The following ESR1 variants were observed in gnomAD, a reference collection of about 807,000 sequenced individuals.
ESR1 encodes estrogen receptor 1, also known as estrogen receptor.
ESR1 carries 12 observed loss-of-function variants against 52.7 expected under a neutral mutation model. The ratio of observed to expected loss-of-function variants is 0.23; its 90% CI spans 0.15 to 0.37. The LOEUF is 0.37. Ranked by LOEUF, ESR1 falls within the 10% of genes least tolerant of loss-of-function variation. ESR1 has a pLI of 1.00. For synonymous variants in ESR1, 305 were observed against 316.8 expected, an observed-to-expected ratio of 0.96 and a Z score of 0.39; for missense variants, 584 against 779.7, an observed-to-expected ratio of 0.75 and a Z score of 2.99.
At chr6:151,960,570 T>A (rs1268979816) in intron 4 of ESR1, among the ~76,000 whole-genome samples, 6 of 152,098 alleles carry the variant, frequency 3.9e-5, no homozygotes, top group African/African-American at 1.4e-4. Context: ...AAGACCAATG[T>A]GACTAGAGCA....
chr6:152,029,139 G>A (rs898730266), intron 5 of ESR1, among the ~76,000 whole-genome samples: 2 of 152,200 alleles, frequency 1.3e-5, no homozygotes, highest in African/African-American at 4.8e-5. Flanking sequence ...AATCCCATCT[G>A]TACGTCACCA....
chr6:151,818,124 G>A (rs1413038894), intron 1 of ESR1, among the ~76,000 whole-genome samples: 3 of 152,166 alleles, frequency 2.0e-5, no homozygotes, highest in African/African-American at 4.8e-5. Context: ...TGTAGAAGAC[G>A]AATTTATGGA....
At chr6:151,849,888 C>T (rs1358928412) in intron 2 of ESR1, among the ~76,000 whole-genome samples, 1 of 148,882 alleles carries the variant, frequency 6.7e-6, no homozygotes, top group Non-Finnish European at 1.5e-5. Context: ...CTCCTCAGCT[C>T]TCTAAAGTGG....
chr6:151,765,914 T>C (rs1785014098), intron 2 of ESR1, among the ~76,000 whole-genome samples: 1 of 152,242 alleles, frequency 6.6e-6, no homozygotes, highest in African/African-American at 2.4e-5. Flanking sequence ...CGTTGGTTTA[T>C]GCACATCCGT....
chr6:152,071,942 T>A (rs2048382728), intron 6 of ESR1, among the ~76,000 whole-genome samples: 1 of 152,230 alleles, frequency 6.6e-6, no homozygotes, highest in Admixed American at 6.5e-5. Context: ...TGCCTGCTCT[T>A]CATACATATT....
chr6:151,990,878 C>CT (rs1291846944), intron 4 of ESR1, among the ~76,000 whole-genome samples: 2 of 152,082 alleles, frequency 1.3e-5, no homozygotes, highest in Non-Finnish European at 2.9e-5. Context: ...TGCCTATCTG[C>CT]TACATATTAT....
upstream of ESR1, chr6:151,807,483 C>G: frequency 3.8e-6 from 1 of 265,368 alleles, no homozygotes; most frequent in South Asian, 4.8e-5. Context: ...GAAACTCAGC[C>G]TCTATCCAGC....
chr6:151,950,670 G>A (rs569324286), intron 4 of ESR1, among the ~76,000 whole-genome samples: 9 of 152,146 alleles, frequency 5.9e-5, no homozygotes, highest in South Asian at 2.1e-4. Flanking sequence ...TGGAGTGCTG[G>A]GTCTGCAAGC....
At chr6:151,786,371 G>A (rs555581540) in intron 2 of ESR1, among the ~76,000 whole-genome samples, 6 of 152,306 alleles carry the variant, frequency 3.9e-5, no homozygotes, top group African/African-American at 1.4e-4. Context: ...GCACGCTGCA[G>A]GGCAGGAACT....
chr6:152,118,077 A>T (rs1228961620), intron 6 of ESR1, among the ~76,000 whole-genome samples: 1 of 152,224 alleles, frequency 6.6e-6, no homozygotes, highest in Non-Finnish European at 1.5e-5. Flanking sequence ...GCAGATGGAC[A>T]TTCATACTCT....
At chr6:152,001,583 T>C (rs2041948401) in intron 4 of ESR1, among the ~76,000 whole-genome samples, 1 of 152,024 alleles carries the variant, frequency 6.6e-6, no homozygotes, top group Admixed American at 6.6e-5. Context: ...ACCCACTTTA[T>C]TTTTAGAGTG....
intron 5 of ESR1, among the ~76,000 whole-genome samples, chr6:152,027,503 G>A (rs1270095809): frequency 6.6e-6 from 1 of 152,204 alleles, no homozygotes; most frequent in East Asian, 1.9e-4. Flanking sequence ...GTTTAAAAAT[G>A]TTTATAATTA....
At chr6:151,840,450 C>T (rs1200983261) in intron 1 of ESR1, among the ~76,000 whole-genome samples, 2 of 152,152 alleles carry the variant, frequency 1.3e-5, no homozygotes, top group Non-Finnish European at 2.9e-5. Context: ...AACCTCAGAA[C>T]TAAGTTATTT....
chr6:151,810,864 A>C (rs1352462860), intron 1 of ESR1: 1 of 152,260 alleles, frequency 6.6e-6, no homozygotes, highest in East Asian at 1.9e-4. Context: ...GAAAACAAAA[A>C]ATTCAGGCAA....
At chr6:151,947,424 T>A (rs1363209555) in intron 4 of ESR1, among the ~76,000 whole-genome samples, 2 of 152,198 alleles carry the variant, frequency 1.3e-5, no homozygotes, top group South Asian at 4.1e-4. Flanking sequence ...AAAACCCTCA[T>A]GAAACATTTG....
rs917993130 is a variant in ESR1 at position 151,684,740 on chromosome 6, C to T, written n.74-17135C>T. Reference sequence around the variant, plus strand: ...AACCTGCAATTCTTTCTGGTTCTTCCTTCCTGCGGGGCCAGGTGAACAGGC... The same window carrying T: ...AACCTGCAATTCTTTCTGGTTCTTCTTTCCTGCGGGGCCAGGTGAACAGGC... On this transcript the variant is annotated intron_variant and non_coding_transcript_variant, in intron 1 of 2. Coordinates refer to the ESR1 transcript ENST00000473497. Among the ~76,000 whole-genome samples, 11 of 152,332 alleles carry T rather than the reference C, an allele frequency of 7.2e-5. No individual in the cohort carries two copies. In the East Asian group the frequency reaches 2.1e-3, roughly 29 times the overall value.
intron 1 of ESR1, among the ~76,000 whole-genome samples, chr6:151,831,920 T>C (rs1392921135): frequency 6.6e-6 from 1 of 152,150 alleles, no homozygotes; most frequent in Admixed American, 6.6e-5. Context: ...GAAGCTGAAA[T>C]AGCAGCCATA....
In ESR1 at chr6:152,098,523, G is replaced by T. The variant is rs913547273; in HGVS notation, c.1554-209G>T. ...ACCGCCCTGGTAGGAGGTGGAAAAT[G>T]AAAAACACACGGCCATGAGTTCCAG... On this transcript the variant is annotated intron_variant, in intron 7 of 7. Transcript: ENST00000206249. This position sits in a 1 kb window ranked among gnomAD's most constrained non-coding sequence, Gnocchi z 5.1. 6.6e-6 allele frequency among the ~76,000 whole-genome samples: 1 copy of T among 151,962 alleles called. No homozygotes were observed. Among genetic ancestry groups the T allele is most frequent in the African/African-American group, 2.4e-5 (1 of 41,388 alleles).
upstream of ESR1, among the ~76,000 whole-genome samples, chr6:151,806,530 GTATATA>G (rs56020486): frequency 7.4e-3 from 710 of 96,446 alleles, 18 homozygotes; most frequent in African/African-American, 0.013. Context: ...TCCTTAATAT[GTATATA>G]TATATATATA....
Sources: gnomAD v4.1 joint callset for allele counts (sites outside exome capture counted in the v4.1 genomes callset) on GRCh38, gnomAD v4.1.1 for gene constraint, Gnocchi (gnomAD v3.1) non-coding constraint, MANE v1.5 for transcripts, NCBI Gene and HGNC (gene_info 2026-07-23, HGNC 2026-07-21) for gene names.